SKOR1: variants seen among roughly 807,000 people sequenced by gnomAD.
The protein encoded by SKOR1 is LBX1 corepressor 1.
In SKOR1, 38 loss-of-function variants were observed where a neutral mutation model predicts 72.4. That is an observed-to-expected ratio of 0.52 (90% CI 0.40 to 0.69). The LOEUF is 0.69. Among genes scored for constraint, SKOR1 ranks in the 30% least tolerant of loss-of-function variants. The pLI, the probability that SKOR1 is intolerant of heterozygous loss-of-function variation, is 0.00. For missense variants in SKOR1, 1,320 were observed against 1,343.2 expected (o/e 0.98, Z 0.27); for synonymous variants, 642 against 599.4 (o/e 1.07, Z -1.04).
Position 67,825,834 on chromosome 15 carries a change from AT to A in SKOR1, c.108-101del, listed in dbSNP as rs2090954092. On this transcript the variant is annotated intron_variant, in intron 1 of 8. Coordinates refer to ENST00000380035, the MANE Select transcript of SKOR1 (RefSeq NM_001365915.1). This position sits in a 1 kb window ranked among gnomAD's most constrained non-coding sequence, Gnocchi z 5.6. ...GAGTTTGGACTCCCCACTGCCAAGT[AT>A]CCCCCGCGCGCCCAACTCGGAGCGC... 1 of 1,518,068 alleles carries A rather than the reference AT, an allele frequency of 6.6e-7. No homozygotes were observed. The highest frequency in any genetic ancestry group is 1.4e-5 in the African/African-American group (1 of 72,070). 94.0% of individuals were successfully genotyped at this position (1,518,068 alleles called of 1,614,324 possible).
At chr15:67,830,122 C>A in intron 3 of SKOR1, 69 bp from the exon 4 acceptor site, 1 of 1,520,152 alleles carries the variant, frequency 6.6e-7, no homozygotes, top group Non-Finnish European at 9.1e-7. Context: ...GCCCCGACCG[C>A]GGCAGCTCCG....
In SKOR1 at chr15:67,833,339, G is replaced by A; in HGVS notation, c.2803+82G>A. The A allele has an allele frequency of 9.9e-6, 14 of 1,408,616 alleles. No homozygotes were observed. The highest frequency in any genetic ancestry group is 1.2e-5 in the Non-Finnish European group (12 of 998,642). The allele number at this position is 1,408,616 out of a possible 1,614,324, so 87.3% of individuals were successfully genotyped here. On this transcript the variant is annotated intron_variant, in intron 8 of 8. Transcript: ENST00000380035. This position sits in a 1 kb window ranked among gnomAD's most constrained non-coding sequence, Gnocchi z 6.0. ...ACTGAATGAATGAATAGTGGGACTA[G>A]TGAGGAAGGCCACGATCCACGTGGA...
Position 67,834,194 on chromosome 15 carries a change from G to A in SKOR1, c.*358G>A, listed in dbSNP as rs1019525130. 1.5e-5 allele frequency: 5 copies of A among 343,782 alleles called. No homozygotes were observed. Among genetic ancestry groups the A allele is most frequent in the Non-Finnish European group, 2.8e-5 (5 of 178,168 alleles). The allele number at this position is 343,782 out of a possible 1,614,324, so 21.3% of individuals were successfully genotyped here. A position where few individuals can be genotyped will look rare whatever the true frequency, so the allele number is the denominator to read the frequency against. On this transcript the variant is annotated 3_prime_UTR_variant, in exon 9 of 9. Transcript: ENST00000380035. The surrounding 1 kb of genome is among the most constrained non-coding windows in gnomAD (Gnocchi z 5.8). ...TGAACCCGATTGTGAATACAATGTA[G>A]CAACTTCGCTGGCGCCTGCCCCGCA...
intron 5 of SKOR1, among the ~76,000 whole-genome samples, chr15:67,831,895 C>T (rs1403055464): frequency 3.7e-4 from 4 of 10,928 alleles, no homozygotes; most frequent in Non-Finnish European, 7.0e-4. Context: ...ATTGAAAGGG[C>T]GGCGGTGCGG....
rs1301436497 is a variant in SKOR1, at chr15:67,825,874, C to T, written c.108-62C>T. On this transcript the variant is annotated intron_variant, in intron 1 of 8. Transcript: ENST00000380035. The surrounding 1 kb of genome is among the most constrained non-coding windows in gnomAD (Gnocchi z 5.6). ...AACTCGGAGCGCCCTGCTGGGCGGG[C>T]CCGAGCCTCGGCGGCGGCGCTGAAA... The T allele has an allele frequency of 3.3e-6, 5 of 1,510,138 alleles. No homozygotes were observed. 93.5% of individuals were successfully genotyped at this position (1,510,138 alleles called of 1,614,324 possible). A position where few individuals can be genotyped will look rare whatever the true frequency, so the allele number is the denominator to read the frequency against.
At position 67,833,177 on chromosome 15, in the gene SKOR1, C is replaced by G. The variant is rs1464857482; in HGVS notation, c.2738-15C>G. The stretch of plus-strand genomic sequence containing the variant: ...GGTCTGCGTTTCCTCACTGGCCCCT[C>G]CCCTTGTCTTCCAGATACCCTGTGT... On this transcript the variant is annotated splice_polypyrimidine_tract_variant and intron_variant, in intron 7 of 8. Transcript: ENST00000380035. The surrounding 1 kb of genome is among the most constrained non-coding windows in gnomAD (Gnocchi z 6.0). 1.9e-6 allele frequency: 3 copies of G among 1,613,916 alleles called. No individual in the cohort carries two copies. Among genetic ancestry groups the G allele is most frequent in the Non-Finnish European group, 2.5e-6 (3 of 1,179,982 alleles).
Position 67,825,776 on chromosome 15 carries a change from G to C in SKOR1, c.107+67G>C. 7.4e-7 allele frequency: 1 copy of C among 1,360,464 alleles called. No individual in the cohort carries two copies. The highest frequency in any genetic ancestry group is 2.4e-5 in the East Asian group (1 of 41,328). 84.3% of individuals were successfully genotyped at this position (1,360,464 alleles called of 1,614,324 possible). A position where few individuals can be genotyped will look rare whatever the true frequency, so the allele number is the denominator to read the frequency against. On this transcript the variant is annotated intron_variant, in intron 1 of 8. Transcript: ENST00000380035. This position sits in a 1 kb window ranked among gnomAD's most constrained non-coding sequence, Gnocchi z 5.6. ...TTGTTAACGGCGCCAACATGGGTCT[G>C]AGTAACAAAAGACGCCTGTCCAGGG... is the stretch of plus-strand genomic sequence containing the variant.
In SKOR1 at chr15:67,827,109, C is replaced by A. The variant is rs1304826034; in HGVS notation, c.1281C>A (p.Ser427Arg). Reference protein sequence around the residue: ...GEPKGGPGTGSGGGGAGTGGG... With the variant: ...GEPKGGPGTGRGGGGAGTGGG... ...CAAAGGGCGGTCCTGGCACTGGGAG[C>A]GGCGGCGGCGGCGCGGGGACAGGCG... The change falls in exon 2 of 9, where the codon AGC (serine) becomes AGA (arginine). Residue 427 changes from serine to arginine, a missense_variant. By Grantham distance (110) the Ser-to-Arg change is moderately radical. This residue lies in a region of SKOR1 where 1,099 missense variants were observed against 1,025.5 expected (regional missense o/e 1.07). Coordinates refer to ENST00000380035, the MANE Select transcript of SKOR1 (RefSeq NM_001365915.1). The A allele has an allele frequency of 7.1e-6, 10 of 1,404,412 alleles. No individual in the cohort carries two copies. The highest frequency in any genetic ancestry group is 9.2e-6 in the Non-Finnish European group (10 of 1,086,404). 87.0% of individuals were successfully genotyped at this position (1,404,412 alleles called of 1,614,324 possible). A position where few individuals can be genotyped will look rare whatever the true frequency, so the allele number is the denominator to read the frequency against.
chr15:67,833,659 G>A lies in SKOR1; in HGVS notation c.2804-83G>A. On this transcript the variant is annotated intron_variant, in intron 8 of 8. Transcript: ENST00000380035. This position sits in a 1 kb window ranked among gnomAD's most constrained non-coding sequence, Gnocchi z 6.0. ...TTCCCTGACCCCAAAGGGTTGGTAAGGCCGGGGAGGGGAAAGGGTGGACTG... is the reference window on the plus strand; with the variant it reads ...TTCCCTGACCCCAAAGGGTTGGTAAAGCCGGGGAGGGGAAAGGGTGGACTG... 7.0e-7 allele frequency: 1 copy of A among 1,420,566 alleles called. No individual in the cohort carries two copies. The highest frequency in any genetic ancestry group is 9.9e-7 in the Non-Finnish European group (1 of 1,008,786). 88.0% of individuals were successfully genotyped at this position (1,420,566 alleles called of 1,614,324 possible). A position where few individuals can be genotyped will look rare whatever the true frequency, so the allele number is the denominator to read the frequency against.
Position 67,827,155 on chromosome 15 carries a change from G to C in SKOR1, c.1327G>C (p.Ala443Pro). 1 of 1,359,186 alleles carries C rather than the reference G, an allele frequency of 7.4e-7. No individual in the cohort carries two copies. The highest frequency in any genetic ancestry group is 9.4e-7 in the Non-Finnish European group (1 of 1,066,880). 84.2% of individuals were successfully genotyped at this position (1,359,186 alleles called of 1,614,324 possible). ...GTGGGAGGPG[A>P]SHLPPGAGAG... The stretch of plus-strand genomic sequence containing the variant: ...AGGCGGGGGTGCGGGGGGCCCGGGA[G>C]CCAGCCACTTGCCCCCGGGGGCAGG... The change falls in exon 2 of 9, where the codon GCC (alanine) becomes CCC (proline). Residue 443 changes from alanine (A) to proline (P), a missense_variant. By Grantham distance (27) the Ala-to-Pro change is conservative. Coordinates refer to ENST00000380035, the MANE Select transcript of SKOR1 (RefSeq NM_001365915.1).
chr15:67,829,204 A>G lies in SKOR1; in HGVS notation c.2342A>G (p.His781Arg), dbSNP rs1454686469. Reference sequence around the variant, plus strand: ...GTGTTCGCGCCCGAGAGGGATGAGCACGTGAAGAGCGCGGCGGTGGCGCTG... The same window carrying G: ...GTGTTCGCGCCCGAGAGGGATGAGCGCGTGAAGAGCGCGGCGGTGGCGCTG... Reference protein sequence around the residue: ...AKVFAPERDEHVKSAAVALGP... With the variant: ...AKVFAPERDERVKSAAVALGP... The change falls in exon 3 of 9, where the codon CAC becomes CGC. Residue 781 changes from histidine to arginine, a missense_variant. His to Arg is a conservative substitution (Grantham distance 29, BLOSUM62 0). Around this residue, in one of 3 missense-constraint regions of SKOR1, gnomAD observed 1,099 missense variants for 1,025.5 expected, o/e 1.07. Transcript: ENST00000380035. 6.4e-7 allele frequency: 1 copy of G among 1,574,558 alleles called. No individual in the cohort carries two copies. The highest frequency in any genetic ancestry group is 1.1e-5 in the South Asian group (1 of 87,400).
chr15:67,833,848 C>T lies in SKOR1; in HGVS notation c.*12C>T. The T allele has an allele frequency of 6.2e-7, 1 of 1,606,138 alleles. No individual in the cohort carries two copies. The highest frequency in any genetic ancestry group is 8.5e-7 in the Non-Finnish European group (1 of 1,179,262). ...CGCTGTTGCCCTAGGGCCGGCCTGGCCGCACCCCTGCGCCCTCAAGCCATG... is the reference window on the plus strand; with the variant it reads ...CGCTGTTGCCCTAGGGCCGGCCTGGTCGCACCCCTGCGCCCTCAAGCCATG... On this transcript the variant is annotated 3_prime_UTR_variant, in exon 9 of 9. Transcript: ENST00000380035. This position sits in a 1 kb window ranked among gnomAD's most constrained non-coding sequence, Gnocchi z 6.0.
Position 67,828,100 on chromosome 15 carries a change from C to T in SKOR1, c.2272C>T (p.Leu758=), listed in dbSNP as rs762453053. 6.6e-7 allele frequency: 1 copy of T among 1,521,272 alleles called. No individual in the cohort carries two copies. Among genetic ancestry groups the T allele is most frequent in the South Asian group, 1.2e-5 (1 of 81,984 alleles). 94.2% of individuals were successfully genotyped at this position (1,521,272 alleles called of 1,614,324 possible). A position where few individuals can be genotyped will look rare whatever the true frequency, so the allele number is the denominator to read the frequency against. Residue 758 remains leucine, a synonymous_variant, in exon 2 of 9, where the codon CTG becomes TTG. Coordinates refer to ENST00000380035, the MANE Select transcript of SKOR1 (RefSeq NM_001365915.1). ...GCCAAGCGGCGGCGGCGGCTACGAG[C>T]TGCGAGAGCCTTGCGGGCCCCTAGG... ...SPPSGGGGYE[L]REPCGPLGGP...
chr15:67,828,351 G>T (rs2090982130), intron 2 of SKOR1, among the ~76,000 whole-genome samples: 1 of 152,254 alleles, frequency 6.6e-6, no homozygotes. Context: ...GGGAAGGGAA[G>T]CTGGGGGCGG....
rs2090954217 is a variant in SKOR1, at chr15:67,825,846, C to A, written c.108-90C>A. On this transcript the variant is annotated intron_variant, in intron 1 of 8. Coordinates refer to ENST00000380035, the MANE Select transcript of SKOR1 (RefSeq NM_001365915.1). This position sits in a 1 kb window ranked among gnomAD's most constrained non-coding sequence, Gnocchi z 5.6. ...CCCACTGCCAAGTATCCCCCGCGCG[C>A]CCAACTCGGAGCGCCCTGCTGGGCG... 6.6e-7 allele frequency: 1 copy of A among 1,515,172 alleles called. No homozygotes were observed. The highest frequency in any genetic ancestry group is 2.3e-5 in the East Asian group (1 of 44,114). 93.9% of individuals were successfully genotyped at this position (1,515,172 alleles called of 1,614,324 possible).
Position 67,826,743 on chromosome 15 carries a change from T to C in SKOR1, c.915T>C (p.Gly305=), listed in dbSNP as rs1294423160. 6.5e-7 allele frequency: 1 copy of C among 1,536,386 alleles called. No individual in the cohort carries two copies. Among genetic ancestry groups the C allele is most frequent in the Admixed American group, 2.0e-5 (1 of 50,984 alleles). Residue 305 remains glycine (G), a synonymous_variant, in exon 2 of 9, where the codon GGT becomes GGC. Transcript: ENST00000380035. ...AGGGGAAGGGTGGTGCTGGCGGCGG[T>C]GGCGGCGGTGGCCCAGGGTGCGGTG... ...GGQGKGGAGG[G]GGGGPGCGAE...
chr15:67,833,729 A>G lies in SKOR1; in HGVS notation c.2804-13A>G. The G allele has an allele frequency of 6.2e-7, 1 of 1,613,208 alleles. No homozygotes were observed. The highest frequency in any genetic ancestry group is 8.5e-7 in the Non-Finnish European group (1 of 1,179,770). ...AGAGGCGCCCAGAGTGACCCTCGCGACTGTCTCCCCAGAAGCCCACGACGC... is the reference window on the plus strand; with the variant it reads ...AGAGGCGCCCAGAGTGACCCTCGCGGCTGTCTCCCCAGAAGCCCACGACGC... On this transcript the variant is annotated splice_polypyrimidine_tract_variant and intron_variant, in intron 8 of 8. Transcript: ENST00000380035. This position sits in a 1 kb window ranked among gnomAD's most constrained non-coding sequence, Gnocchi z 6.0.
In SKOR1 at chr15:67,833,109, G is replaced by T; in HGVS notation, c.2738-83G>T. On this transcript the variant is annotated intron_variant, in intron 7 of 8. Coordinates refer to ENST00000380035, the MANE Select transcript of SKOR1 (RefSeq NM_001365915.1). This position sits in a 1 kb window ranked among gnomAD's most constrained non-coding sequence, Gnocchi z 6.0. ...TTTCTGCGCGGAGCTTAGCCCTGGG[G>T]AGAGGAGGAAGCCCGGGCTGTGACC... is the stretch of plus-strand genomic sequence containing the variant. 1.4e-6 allele frequency: 2 copies of T among 1,448,830 alleles called. No individual in the cohort carries two copies. The highest frequency in any genetic ancestry group is 2.3e-5 in the East Asian group (1 of 43,370). 89.7% of individuals were successfully genotyped at this position (1,448,830 alleles called of 1,614,324 possible).
chr15:67,829,504 G>A (rs2090991592), intron 3 of SKOR1, among the ~76,000 whole-genome samples: 1 of 152,254 alleles, frequency 6.6e-6, no homozygotes, highest in South Asian at 2.1e-4. Context: ...ACATGCTGCA[G>A]TACACCCAGA....
Sources: gnomAD v4.1 joint callset for allele counts (sites outside exome capture counted in the v4.1 genomes callset) on GRCh38, gnomAD v4.1.1 for gene constraint, gnomAD v4.1.1 regional missense constraint, Gnocchi (gnomAD v3.1) non-coding constraint, MANE v1.5 for transcripts, NCBI Gene and HGNC (gene_info 2026-07-23, HGNC 2026-07-21) for gene names.